Variants in CHIA observed in about 807,000 individuals in gnomAD.
The protein encoded by CHIA is acidic mammalian chitinase.
A neutral mutation model predicts 53.5 loss-of-function variants in CHIA; 47 were observed. The observed-to-expected ratio is 0.88, with a 90% confidence interval of 0.70 to 1.12. The LOEUF (loss-of-function observed/expected upper bound fraction) is 1.12. Among genes scored for constraint, CHIA ranks in the 50% most tolerant of loss-of-function variants. The pLI is 0.00. For synonymous variants in CHIA, 268 were observed against 222.2 expected (o/e 1.21, Z -1.83); for missense variants, 652 against 592.2 (o/e 1.10, Z -1.05).
chr1:111,304,432 T>G (rs1571277725), intron 1 of CHIA, among the ~76,000 whole-genome samples: 1 of 152,148 alleles, frequency 6.6e-6, no homozygotes, highest in East Asian at 1.9e-4. Context: ...TTCTTCAATT[T>G]GTTTTCTTTC....
chr1:111,318,452 T>A, intron 8 of CHIA, 41 bp from the exon 9 acceptor site: 2 of 1,560,630 alleles, frequency 1.3e-6, no homozygotes, highest in South Asian at 2.3e-5. Context: ...TACTGGGTCC[T>A]CAGCTGGTTG....
At chr1:111,308,720 A>C (rs12071109) in intron 1 of CHIA, among the ~76,000 whole-genome samples, 20,065 of 152,128 alleles carry the variant, frequency 0.13, 1,536 homozygotes, top group African/African-American at 0.19. Context: ...TCATAGATGG[A>C]AAATAAAATT....
At chr1:111,312,069 C>T in intron 3 of CHIA, 121 bp from the exon 4 acceptor site, 3 of 757,092 alleles carry the variant, frequency 4.0e-6, no homozygotes, top group Non-Finnish European at 7.0e-6. Flanking sequence ...ATACTAATTA[C>T]CTCCACACAG....
At chr1:111,302,753 C>G (rs1384129712) in intron 1 of CHIA, among the ~76,000 whole-genome samples, 1 of 152,104 alleles carries the variant, frequency 6.6e-6, no homozygotes, top group Non-Finnish European at 1.5e-5. Flanking sequence ...CTGTATATAT[C>G]TCTTACATCT....
chr1:111,294,012 G>T (rs1012264329), intron 1 of CHIA, among the ~76,000 whole-genome samples: 1 of 152,188 alleles, frequency 6.6e-6, no homozygotes, highest in African/African-American at 2.4e-5. Context: ...AGCCCAGGAA[G>T]TCAAGGATGC....
intron 1 of CHIA, among the ~76,000 whole-genome samples, chr1:111,297,914 AAAAAAAAAAAAC>A (rs1465109255): frequency 2.7e-5 from 4 of 148,644 alleles, no homozygotes; most frequent in Non-Finnish European, 6.0e-5. Context: ...AAAAAAAAAA[AAAAAAAAAAAAC>A]AAGCAGGGGT....
At chr1:111,297,462 A>G (rs192374420) in intron 1 of CHIA, among the ~76,000 whole-genome samples, 1 of 152,322 alleles carries the variant, frequency 6.6e-6, no homozygotes. Context: ...AGAATTTCAT[A>G]TCCAGTCAAA....
intron 2 of CHIA, 23 bp downstream of exon 2, chr1:111,310,515 A>C: frequency 6.2e-7 from 1 of 1,614,018 alleles, no homozygotes; most frequent in South Asian, 1.1e-5. Flanking sequence ...TCAGAGATTG[A>C]CCCTTCATCT....
intron 8 of CHIA, 111 bp from the exon 9 acceptor site, chr1:111,318,382 C>T (rs1318570102): frequency 1.0e-6 from 1 of 980,588 alleles, no homozygotes; most frequent in Non-Finnish European, 1.5e-6. Flanking sequence ...AAATACTAAT[C>T]CATCTGGAAT....
In CHIA at chr1:111,319,442, A is replaced by C. The variant is rs143969273; in HGVS notation, c.1151A>C (p.Lys384Thr). The C allele has an allele frequency of 5.0e-6, 8 of 1,614,120 alleles. No individual in the cohort carries two copies. Among genetic ancestry groups the C allele is most frequent in the East Asian group, 4.5e-5 (2 of 44,884 alleles). ...QGKFPLISTL[K>T]KALGLQSASC... ...AAGTTTCCCCTAATCTCCACCCTGA[A>C]GAAGGCCCTCGGCCTGCAGAGTGCA... is the stretch of plus-strand genomic sequence containing the variant. Residue 384 changes from lysine (K) to threonine (T), a missense_variant, in exon 11 of 12, where the codon AAG (lysine) becomes ACG (threonine). By Grantham distance (78) the Lys-to-Thr change is moderately conservative. Coordinates refer to ENST00000369740, the MANE Select transcript of CHIA (RefSeq NM_201653.4).
chr1:111,297,231 A>G (rs1242154276), intron 1 of CHIA, among the ~76,000 whole-genome samples: 4 of 152,198 alleles, frequency 2.6e-5, no homozygotes, highest in African/African-American at 9.7e-5. Context: ...AGAACACCAC[A>G]AAGATCCTCC....
intron 1 of CHIA, among the ~76,000 whole-genome samples, chr1:111,303,777 C>T (rs944004096): frequency 6.6e-6 from 1 of 152,114 alleles, no homozygotes; most frequent in Non-Finnish European, 1.5e-5. Flanking sequence ...AGTTACAAGC[C>T]ATTGTTACAA....
At position 111,320,277 on chromosome 1, in the gene CHIA, G is replaced by A. The variant is rs774377527; in HGVS notation, c.1242G>A (p.Gly414=). 6 of 1,614,238 alleles carry A rather than the reference G, an allele frequency of 3.7e-6. No individual in the cohort carries two copies. In the South Asian group the frequency reaches 5.5e-5, roughly 15 times the overall value. ...ITAAPSGSGN[G]SGSSSSGGSS... ...CTGCTCCCAGTGGCAGCGGGAACGG[G>A]AGCGGGAGTAGCAGCTCTGGAGGCA... is the stretch of plus-strand genomic sequence containing the variant. The change falls in exon 12 of 12, where the codon GGG becomes GGA. Residue 414 remains glycine (G), a synonymous_variant. Coordinates refer to ENST00000369740, the MANE Select transcript of CHIA (RefSeq NM_201653.4).
At chr1:111,301,273 A>G (rs562460604) in intron 1 of CHIA, among the ~76,000 whole-genome samples, 1 of 152,348 alleles carries the variant, frequency 6.6e-6, no homozygotes, top group African/African-American at 2.4e-5. Flanking sequence ...ATAAAGATAC[A>G]TGCACACATA....
chr1:111,307,922 G>T (rs1648326459), intron 1 of CHIA, among the ~76,000 whole-genome samples: 1 of 152,178 alleles, frequency 6.6e-6, no homozygotes, highest in Non-Finnish European at 1.5e-5. Flanking sequence ...GATTACAGGT[G>T]TGAGCCACCA....
At chr1:111,294,904 A>C (rs993945279) in intron 1 of CHIA, among the ~76,000 whole-genome samples, 1 of 152,206 alleles carries the variant, frequency 6.6e-6, no homozygotes, top group African/African-American at 2.4e-5. Flanking sequence ...CACAGTATAT[A>C]ATCCCTTAAC....
intron 7 of CHIA, 53 bp from the exon 8 acceptor site, chr1:111,317,933 T>C: frequency 2.5e-6 from 4 of 1,612,788 alleles, no homozygotes; most frequent in Admixed American, 3.3e-5. Context: ...TGTGCCTGCA[T>C]AGGTGTGGGA....
Position 111,290,955 on chromosome 1 carries a change from G to A in CHIA, c.-69+5G>A, listed in dbSNP as rs970088287. 12 of 453,248 alleles carry A rather than the reference G, an allele frequency of 2.6e-5. No individual in the cohort carries two copies. The highest frequency in any genetic ancestry group is 2.3e-4 in the Admixed American group (9 of 38,984). The allele number at this position is 453,248 out of a possible 1,614,324, so 28.1% of individuals were successfully genotyped here. ...TGGTGAATCCTCCATAGTCTGGTGA[G>A]TGTAAATATATATATATCTTTTCCC... On this transcript the variant is annotated splice_donor_5th_base_variant and intron_variant, in intron 1 of 11. Coordinates refer to ENST00000369740, the MANE Select transcript of CHIA (RefSeq NM_201653.4).
intron 1 of CHIA, among the ~76,000 whole-genome samples, chr1:111,309,970 C>T (rs1470754846): frequency 3.3e-5 from 5 of 151,902 alleles, no homozygotes. Flanking sequence ...GAGAGTAGCA[C>T]CTAAAGAAGG....
Sources: gnomAD v4.1 joint callset for allele counts (sites outside exome capture counted in the v4.1 genomes callset) on GRCh38, gnomAD v4.1.1 for gene constraint, MANE v1.5 for transcripts, NCBI Gene and HGNC (gene_info 2026-07-23, HGNC 2026-07-21) for gene names.